Variants in PPFIBP2 observed in about 807,000 individuals in gnomAD.
The protein encoded by PPFIBP2 is liprin-beta-2.
A neutral mutation model predicts 118.3 loss-of-function variants in PPFIBP2; 118 were observed. The observed-to-expected ratio is 1.00, with a 90% CI of 0.86 to 1.16. PPFIBP2 has a LOEUF of 1.16. Among genes scored for constraint, PPFIBP2 ranks in the 50% most tolerant of loss-of-function variants. PPFIBP2 has a pLI of 0.00. For synonymous variants in PPFIBP2, 414 were observed against 397.4 expected (o/e 1.04, Z -0.50); for missense variants, 1,195 against 1,073.1 (o/e 1.11, Z -1.59).
At chr11:7,564,138 C>T (rs926116991) in intron 2 of PPFIBP2, among the ~76,000 whole-genome samples, 1 of 151,636 alleles carries the variant, frequency 6.6e-6, no homozygotes, top group Admixed American at 6.6e-5. Flanking sequence ...TGCACTCCAG[C>T]CTGGGTGACA....
chr11:7,665,828 G>A, the PPFIBP2 span: 59 of 1,533,166 alleles, frequency 3.8e-5, no homozygotes, highest in African/African-American at 5.2e-4. Flanking sequence ...GAGGTATACC[G>A]AGGTGTGTGA....
At chr11:7,549,585 C>G (rs2134530322) in intron 2 of PPFIBP2, 46 bp downstream of exon 2, 1 of 1,452,974 alleles carries the variant, frequency 6.9e-7, no homozygotes, top group Middle Eastern at 1.8e-4. Flanking sequence ...CCTCCACATT[C>G]CAGGAACTGC....
At chr11:7,635,253 G>A (rs1003988470) in intron 13 of PPFIBP2, among the ~76,000 whole-genome samples, 4 of 152,156 alleles carry the variant, frequency 2.6e-5, no homozygotes, top group Non-Finnish European at 5.9e-5. Context: ...TTGATACAGT[G>A]GAGAACCATA....
chr11:7,604,772 T>C (rs918144464), intron 5 of PPFIBP2, among the ~76,000 whole-genome samples: 8 of 152,108 alleles, frequency 5.3e-5, no homozygotes, highest in Admixed American at 2.0e-4. Context: ...CCAGAGTAGA[T>C]GATTGATGGC....
downstream of PPFIBP2, among the ~76,000 whole-genome samples, chr11:7,657,344 G>A (rs773794387): frequency 5.9e-5 from 9 of 152,194 alleles, no homozygotes; most frequent in Middle Eastern, 3.4e-3. Context: ...GTAAAGCAAC[G>A]AGGCTCCTTA....
rs116993360 is a variant in PPFIBP2, at chr11:7,525,943, G to A, written c.-37+11822G>A. ...CTGCTATTTTCAGGTGGGCAAGGTG[G>A]GCAGCATGTTCTTTGTTGCTCAGAG... On this transcript the variant is annotated intron_variant, in intron 1 of 23. Coordinates refer to ENST00000299492, the MANE Select transcript of PPFIBP2 (RefSeq NM_003621.5). Among the ~76,000 whole-genome samples, 19 of 152,304 alleles carry A rather than the reference G, an allele frequency of 1.2e-4. No individual in the cohort carries two copies. The East Asian group carries it at 3.7e-3, about 29-fold the overall frequency.
chr11:7,551,235 C>T (rs1852954702), intron 2 of PPFIBP2, among the ~76,000 whole-genome samples: 1 of 152,120 alleles, frequency 6.6e-6, no homozygotes, highest in Non-Finnish European at 1.5e-5. Context: ...ATAATAGCTA[C>T]AGGATCATTC....
At chr11:7,598,171 AAAT>A in intron 5 of PPFIBP2, 1 of 172,540 alleles carries the variant, frequency 5.8e-6, no homozygotes, top group Admixed American at 6.3e-5. Flanking sequence ...CCTACCATTC[AAAT>A]AATGTCTTCT....
chr11:7,567,688 A>T (rs1855161192), intron 3 of PPFIBP2, among the ~76,000 whole-genome samples: 1 of 152,208 alleles, frequency 6.6e-6, no homozygotes, highest in Non-Finnish European at 1.5e-5. Context: ...CATTCCACAC[A>T]AGGTCTTAAT....
intron 18 of PPFIBP2, 82 bp downstream of exon 18, chr11:7,648,619 A>AT (rs1853496632): frequency 6.4e-7 from 1 of 1,557,400 alleles, no homozygotes; most frequent in African/African-American, 1.4e-5. Context: ...CCTGTCACAC[A>AT]TACACACAGG....
chr11:7,627,786 A>G (rs746378122), intron 8 of PPFIBP2, among the ~76,000 whole-genome samples: 2 of 152,246 alleles, frequency 1.3e-5, no homozygotes, highest in Non-Finnish European at 2.9e-5. Context: ...AATTTTGACT[A>G]TATCATTTTA....
chr11:7,617,176 G>A (rs1027749787), intron 6 of PPFIBP2: 4 of 985,228 alleles, frequency 4.1e-6, no homozygotes, highest in Non-Finnish European at 4.8e-6. Flanking sequence ...GACATCCACA[G>A]GCAGATTCAA....
At chr11:7,658,025 G>A (rs967655087), downstream of PPFIBP2, among the ~76,000 whole-genome samples, 1 of 152,234 alleles carries the variant, frequency 6.6e-6, no homozygotes, top group African/African-American at 2.4e-5. Flanking sequence ...AGGCATGAAT[G>A]CCAAGGTCCC....
At chr11:7,618,599 T>C (rs1219129833) in intron 6 of PPFIBP2, among the ~76,000 whole-genome samples, 1 of 152,230 alleles carries the variant, frequency 6.6e-6, no homozygotes, top group Non-Finnish European at 1.5e-5. Context: ...CCTCAGAGAA[T>C]GATTCTGGGT....
chr11:7,656,661 C>A (rs929345213), downstream of PPFIBP2: 2 of 1,183,522 alleles, frequency 1.7e-6, no homozygotes, highest in Non-Finnish European at 2.2e-6. Flanking sequence ...AGTTCCGGTG[C>A]AGCTGCCGCA....
chr11:7,657,613 C>T (rs904577165), downstream of PPFIBP2, among the ~76,000 whole-genome samples: 2 of 152,224 alleles, frequency 1.3e-5, no homozygotes, highest in Non-Finnish European at 2.9e-5. Context: ...CCAAACATGT[C>T]TGTTTCCTCT....
chr11:7,662,945 C>A, the PPFIBP2 span, among the ~76,000 whole-genome samples: 3 of 136,434 alleles, frequency 2.2e-5, no homozygotes, highest in African/African-American at 7.5e-5. Context: ...CGCATCGGCT[C>A]CTGAGGCTTC....
At chr11:7,661,132 T>G (rs1270127778), downstream of PPFIBP2, among the ~76,000 whole-genome samples, 1 of 151,824 alleles carries the variant, frequency 6.6e-6, no homozygotes, top group Non-Finnish European at 1.5e-5. Flanking sequence ...AAGGGTTTTT[T>G]GTGTCTCTAT....
chr11:7,523,848 G>A (rs1849983955), intron 1 of PPFIBP2, among the ~76,000 whole-genome samples: 1 of 152,174 alleles, frequency 6.6e-6, no homozygotes, highest in Non-Finnish European at 1.5e-5. Context: ...GCCTGCTTAG[G>A]GATGCCAGTG....
Sources: allele counts gnomAD v4.1 joint callset (sites outside exome capture counted in the v4.1 genomes callset), GRCh38; gene constraint gnomAD v4.1.1; transcripts MANE v1.5; gene names NCBI Gene and HGNC (gene_info 2026-07-23, HGNC 2026-07-21).